Variants in LCORL observed in about 807,000 individuals in gnomAD.
LCORL encodes ligand dependent nuclear receptor corepressor like, also known as ligand-dependent nuclear receptor corepressor-like protein.
In LCORL, 41 loss-of-function variants were observed where a neutral mutation model predicts 141.8. The observed-to-expected ratio is 0.29, with a 90% CI of 0.23 to 0.38. The LOEUF is 0.38. Ranked by LOEUF, LCORL falls within the 10% of genes least tolerant of loss-of-function variation. The probability of loss-of-function intolerance (pLI) is 1.00; values close to 1 mark genes in which losing one functional copy is unlikely to be tolerated. For synonymous variants in LCORL, 618 were observed against 694.1 expected (o/e 0.89, Z 1.72); for missense variants, 1,759 against 2,035.0 (o/e 0.86, Z 2.61).
intron 5 of LCORL, 68 bp downstream of exon 5, chr4:17,909,026 A>G (rs1283763484): frequency 7.4e-7 from 1 of 1,349,272 alleles, no homozygotes; most frequent in African/African-American, 1.5e-5. Context: ...GAATATAAAA[A>G]GTTATAAATA....
At chr4:17,974,967 T>C (rs144839343) in intron 1 of LCORL, among the ~76,000 whole-genome samples, 121 of 152,250 alleles carry the variant, frequency 7.9e-4, no homozygotes, top group African/African-American at 2.8e-3. Flanking sequence ...CTCTCCTTTT[T>C]CACTGATTAC....
At chr4:17,871,243 T>C (rs1248742446) in intron 7 of LCORL, among the ~76,000 whole-genome samples, 1 of 149,928 alleles carries the variant, frequency 6.7e-6, no homozygotes, top group Non-Finnish European at 1.5e-5. Flanking sequence ...GTTGATTGAC[T>C]AAAAAAAAAG....
At chr4:17,906,700 T>A (rs919680731) in intron 5 of LCORL, among the ~76,000 whole-genome samples, 15 of 151,684 alleles carry the variant, frequency 9.9e-5, no homozygotes, top group African/African-American at 3.6e-4. Flanking sequence ...TTTTTTTTTT[T>A]TTTTTGAGAC....
chr4:17,978,392 T>G (rs749012074), intron 1 of LCORL, among the ~76,000 whole-genome samples: 2 of 151,536 alleles, frequency 1.3e-5, no homozygotes, highest in Non-Finnish European at 2.9e-5. Flanking sequence ...AGACCAAGAG[T>G]TTGAGACTAG....
intron 4 of LCORL, among the ~76,000 whole-genome samples, chr4:17,917,780 A>G (rs1198655061): frequency 6.6e-6 from 1 of 152,244 alleles, no homozygotes; most frequent in African/African-American, 2.4e-5. Context: ...ATTAAACAAA[A>G]GAACTCTGGG....
At chr4:18,006,214 A>G (rs1722783503) in intron 1 of LCORL, among the ~76,000 whole-genome samples, 1 of 152,180 alleles carries the variant, frequency 6.6e-6, no homozygotes, top group Non-Finnish European at 1.5e-5. Context: ...TTGCTAAAAC[A>G]TAAAAAGAGT....
chr4:17,876,014 AG>A lies in LCORL; in HGVS notation c.2975del (p.Ser992LeufsTer9). 8.1e-7 allele frequency: 1 copy of A among 1,231,104 alleles called. No homozygotes were observed. The highest frequency in any genetic ancestry group is 1.0e-6 in the Non-Finnish European group (1 of 987,266). 76.3% of individuals were successfully genotyped at this position (1,231,104 alleles called of 1,614,324 possible). A position where few individuals can be genotyped will look rare whatever the true frequency, so the allele number is the denominator to read the frequency against. ...TTACGTGATGGGTTGTAGGTTTTTC[AG>A]AAGGGAGAACAACATTTGAATGGGA... is the stretch of plus-strand genomic sequence containing the variant. On this transcript the variant is annotated frameshift_variant, in exon 7 of 8. Coordinates refer to ENST00000635767, the Ensembl canonical transcript of LCORL. LOFTEE classifies it high-confidence loss of function.
chr4:17,884,552 T>C lies in LCORL; in HGVS notation c.776+1516A>G. ...ATAACTATCATGGAAATCTCGAGTT[T>C]TGTTTTTAAAAGATGCAGGCTTCCC... On this transcript the variant is annotated intron_variant, in intron 6 of 7. Coordinates refer to ENST00000635767, the Ensembl canonical transcript of LCORL. This position sits in a 1 kb window ranked among gnomAD's most constrained non-coding sequence, Gnocchi z 4.4. 1.3e-6 allele frequency: 2 copies of C among 1,535,310 alleles called. No homozygotes were observed. Among genetic ancestry groups the C allele is most frequent in the South Asian group, 1.2e-5 (1 of 81,952 alleles).
chr4:17,940,687 C>T (rs1019555727), intron 4 of LCORL, among the ~76,000 whole-genome samples: 1 of 151,616 alleles, frequency 6.6e-6, no homozygotes, highest in East Asian at 1.9e-4. Context: ...TGTTTGTTGT[C>T]TATGCTTACA....
At chr4:17,865,484 C>T (rs1308038092) in intron 7 of LCORL, among the ~76,000 whole-genome samples, 7 of 152,172 alleles carry the variant, frequency 4.6e-5, no homozygotes, top group Non-Finnish European at 8.8e-5. Context: ...GTGAGTACTG[C>T]GCCCAGCCAA....
chr4:17,892,197 A>ATTT (rs770471544), intron 5 of LCORL, among the ~76,000 whole-genome samples: 9 of 119,668 alleles, frequency 7.5e-5, no homozygotes, highest in Non-Finnish European at 1.1e-4. Context: ...GTCAAATAGT[A>ATTT]TTTTTTTTTT....
At chr4:17,995,255 G>A (rs1217507340) in intron 1 of LCORL, among the ~76,000 whole-genome samples, 1 of 141,016 alleles carries the variant, frequency 7.1e-6, no homozygotes, top group Non-Finnish European at 1.5e-5. Flanking sequence ...TTAGGCATAT[G>A]TCAGATGTAT....
intron 7 of LCORL, among the ~76,000 whole-genome samples, chr4:17,849,240 C>A (rs1231286138): frequency 6.6e-6 from 1 of 152,196 alleles, no homozygotes; most frequent in Admixed American, 6.5e-5. Flanking sequence ...CAGGTGGGTC[C>A]CTGACCCCCG....
At chr4:17,954,910 T>C (rs1199373540) in intron 4 of LCORL, among the ~76,000 whole-genome samples, 1 of 152,144 alleles carries the variant, frequency 6.6e-6, no homozygotes, top group Non-Finnish European at 1.5e-5. Flanking sequence ...GGATGCCTAT[T>C]AGCCACTGTA....
At chr4:17,875,513 T>G in exon 7 of LCORL, 1 of 1,231,292 alleles carries the variant, frequency 8.1e-7, no homozygotes, top group Non-Finnish European at 1.0e-6. Context: ...TGTTTACCCT[T>G]CCTTCAGAAA....
chr4:17,851,539 T>C (rs551049424), intron 7 of LCORL, among the ~76,000 whole-genome samples: 10 of 152,358 alleles, frequency 6.6e-5, no homozygotes, highest in Admixed American at 6.5e-4. Flanking sequence ...CTCAATTCTT[T>C]TAACAGCTAA....
At chr4:18,017,917 A>G (rs1325986441) in intron 1 of LCORL, among the ~76,000 whole-genome samples, 1 of 152,136 alleles carries the variant, frequency 6.6e-6, no homozygotes, top group Non-Finnish European at 1.5e-5. Context: ...ATTTAGGGGT[A>G]AAGAGGTTGA....
At chr4:17,896,418 G>A (rs897955490) in intron 5 of LCORL, among the ~76,000 whole-genome samples, 6 of 152,032 alleles carry the variant, frequency 3.9e-5, no homozygotes, top group South Asian at 2.1e-4. Context: ...CAAATAGCTC[G>A]GATTACAGGC....
intron 7 of LCORL, among the ~76,000 whole-genome samples, chr4:17,872,340 C>T (rs1440982630): frequency 6.6e-6 from 1 of 152,016 alleles, no homozygotes; most frequent in East Asian, 1.9e-4. Flanking sequence ...ATTTTGGCTT[C>T]CCTCGGCCAC....
Sources: gnomAD v4.1 joint callset for allele counts (sites outside exome capture counted in the v4.1 genomes callset) on GRCh38, gnomAD v4.1.1 for gene constraint, Gnocchi (gnomAD v3.1) non-coding constraint, MANE v1.5 for transcripts, NCBI Gene and HGNC (gene_info 2026-07-23, HGNC 2026-07-21) for gene names.